The following RAB7A variants were observed in gnomAD, a reference collection of about 807,000 sequenced individuals.
RAB7A encodes RAB7A, member RAS oncogene family, also known as ras-related protein Rab-7a.
RAB7A carries 2 observed loss-of-function variants against 24.5 expected under a neutral mutation model. The ratio of observed to expected loss-of-function variants is 0.08; its 90% CI spans 0.03 to 0.26. The LOEUF (loss-of-function observed/expected upper bound fraction) is 0.26, where lower values mean the gene tolerates loss of function less well. Ranked by LOEUF, RAB7A falls within the 10% of genes least tolerant of loss-of-function variation. The probability of loss-of-function intolerance (pLI) is 1.00; values close to 1 mark genes in which losing one functional copy is unlikely to be tolerated. For synonymous variants in RAB7A, 100 were observed against 95.9 expected, an observed-to-expected ratio of 1.04 and a Z score of -0.25; for missense variants, 118 against 255.7, an observed-to-expected ratio of 0.46 and a Z score of 3.67.
chr3:128,757,025 A>G (rs2070735155), intron 1 of RAB7A, among the ~76,000 whole-genome samples: 1 of 151,766 alleles, frequency 6.6e-6, no homozygotes, highest in Non-Finnish European at 1.5e-5. Context: ...TGTATTTTTT[A>G]GTAGAGACGG....
intron 1 of RAB7A, among the ~76,000 whole-genome samples, chr3:128,761,911 T>C (rs1172345717): frequency 6.6e-6 from 1 of 152,238 alleles, no homozygotes; most frequent in Non-Finnish European, 1.5e-5. Flanking sequence ...CCCATCAAGA[T>C]GTCTGTGGTG....
intron 1 of RAB7A, among the ~76,000 whole-genome samples, chr3:128,748,314 G>A (rs540994588): frequency 6.6e-6 from 1 of 152,298 alleles, no homozygotes; most frequent in Admixed American, 6.5e-5. Context: ...GGACTGGCAG[G>A]CATGGTGGCT....
intron 1 of RAB7A, among the ~76,000 whole-genome samples, chr3:128,771,735 A>G (rs765346922): frequency 2.0e-5 from 3 of 152,224 alleles, no homozygotes; most frequent in Non-Finnish European, 4.4e-5. Flanking sequence ...AAGTTTCAGA[A>G]CCCTGATTTG....
intron 5 of RAB7A, among the ~76,000 whole-genome samples, chr3:128,811,350 TA>T (rs1191258665): frequency 6.6e-6 from 1 of 152,186 alleles, no homozygotes; most frequent in East Asian, 1.9e-4. Flanking sequence ...GGTGGGAATA[TA>T]AAATGTCACT....
intron 1 of RAB7A, among the ~76,000 whole-genome samples, chr3:128,742,856 T>G: frequency 6.6e-6 from 1 of 152,248 alleles, no homozygotes; most frequent in East Asian, 1.9e-4. Flanking sequence ...GGAGCCCAGC[T>G]GGCTTCGCCT....
At chr3:128,784,815 T>G (rs911891536) in intron 1 of RAB7A, among the ~76,000 whole-genome samples, 3 of 152,218 alleles carry the variant, frequency 2.0e-5, no homozygotes, top group Non-Finnish European at 2.9e-5. Flanking sequence ...ATTTTACTTT[T>G]TGCATTTGGT....
At chr3:128,790,041 C>T (rs570660361) in intron 1 of RAB7A, among the ~76,000 whole-genome samples, 3 of 152,348 alleles carry the variant, frequency 2.0e-5, no homozygotes, top group Admixed American at 6.5e-5. Flanking sequence ...GATCCACCTA[C>T]CTCAGCCTCC....
chr3:128,754,022 AACGAGTTTGTTACC>A (rs1382508343), intron 1 of RAB7A, among the ~76,000 whole-genome samples: 10 of 152,136 alleles, frequency 6.6e-5, no homozygotes, highest in African/African-American at 2.4e-4. Flanking sequence ...TCAAAAGCTT[AACGAGTTTGTTACC>A]ACTAGATCTC....
intron 5 of RAB7A, 67 bp from the exon 6 acceptor site, chr3:128,813,260 G>A (rs2107618377): frequency 6.9e-7 from 1 of 1,449,426 alleles, no homozygotes; most frequent in Non-Finnish European, 9.7e-7. Flanking sequence ...GGCAGAAAGT[G>A]CCCGCAATGA....
chr3:128,791,262 C>G (rs1933447196), intron 1 of RAB7A, among the ~76,000 whole-genome samples: 1 of 152,062 alleles, frequency 6.6e-6, no homozygotes, highest in African/African-American at 2.4e-5. Flanking sequence ...CTGCTTCAGC[C>G]TTTTTGGTAG....
chr3:128,734,830 A>G (rs1159216035), intron 1 of RAB7A, among the ~76,000 whole-genome samples: 1 of 152,162 alleles, frequency 6.6e-6, no homozygotes, highest in Non-Finnish European at 1.5e-5. Flanking sequence ...TATAGACCTT[A>G]GTTTGATTGA....
intron 1 of RAB7A, among the ~76,000 whole-genome samples, chr3:128,750,195 C>T (rs2070663012): frequency 6.6e-6 from 1 of 152,114 alleles, no homozygotes; most frequent in African/African-American, 2.4e-5. Context: ...GGCATTTTGC[C>T]CCTGACCTAG....
Position 128,813,515 on chromosome 3 carries a change from A to G in RAB7A, c.*93A>G, listed in dbSNP as rs1933973165. ...TCCCCTCTCCTCTTCCAAACAAAACATACATTGATCTCTCACATCCAGCTG... is the reference window on the plus strand; with the variant it reads ...TCCCCTCTCCTCTTCCAAACAAAACGTACATTGATCTCTCACATCCAGCTG... On this transcript the variant is annotated 3_prime_UTR_variant, in exon 6 of 6. Coordinates refer to ENST00000265062, the MANE Select transcript of RAB7A (RefSeq NM_004637.6). 3 of 1,225,080 alleles carry G rather than the reference A, an allele frequency of 2.4e-6. No individual in the cohort carries two copies. Among genetic ancestry groups the G allele is most frequent in the South Asian group, 1.2e-5 (1 of 82,750 alleles). The allele number at this position is 1,225,080 out of a possible 1,614,324, so 75.9% of individuals were successfully genotyped here.
At chr3:128,740,389 A>G (rs2070540638) in intron 1 of RAB7A, among the ~76,000 whole-genome samples, 1 of 152,134 alleles carries the variant, frequency 6.6e-6, no homozygotes, top group Admixed American at 6.5e-5. Context: ...TAATATTTAT[A>G]TTTTCCTACT....
At chr3:128,756,109 G>A (rs548767884) in intron 1 of RAB7A, among the ~76,000 whole-genome samples, 82 of 152,226 alleles carry the variant, frequency 5.4e-4, no homozygotes, top group African/African-American at 1.7e-3. Flanking sequence ...AGGCTGAGGC[G>A]GGTGGATCAC....
At chr3:128,802,155 T>G (rs528478575) in intron 3 of RAB7A, among the ~76,000 whole-genome samples, 1 of 152,388 alleles carries the variant, frequency 6.6e-6, no homozygotes, top group Non-Finnish European at 1.5e-5. Flanking sequence ...CTTGTATCTA[T>G]TTTTGGAATC....
chr3:128,759,486 C>T (rs1200283577), intron 1 of RAB7A, among the ~76,000 whole-genome samples: 1 of 152,108 alleles, frequency 6.6e-6, no homozygotes, highest in Non-Finnish European at 1.5e-5. Flanking sequence ...TCTTGTGGGC[C>T]CAGTTTGAGA....
chr3:128,794,004 G>C (rs1451588047), intron 1 of RAB7A, among the ~76,000 whole-genome samples: 2 of 152,226 alleles, frequency 1.3e-5, no homozygotes, highest in Non-Finnish European at 2.9e-5. Context: ...ACTTTCAAGA[G>C]CGTAGGCCTT....
chr3:128,781,574 G>A (rs1259781008), intron 1 of RAB7A, among the ~76,000 whole-genome samples: 2 of 152,098 alleles, frequency 1.3e-5, no homozygotes, highest in Non-Finnish European at 2.9e-5. Flanking sequence ...TGTTCAAGAG[G>A]CCAAGGGTGG....
Sources: allele counts gnomAD v4.1 joint callset (sites outside exome capture counted in the v4.1 genomes callset), GRCh38; gene constraint gnomAD v4.1.1; transcripts MANE v1.5; gene names NCBI Gene and HGNC (gene_info 2026-07-23, HGNC 2026-07-21).